PODXL: variants seen among roughly 807,000 people sequenced by gnomAD.
PODXL encodes the protein podocalyxin.
A neutral mutation model predicts 48.9 loss-of-function variants in PODXL; 20 were observed. The observed-to-expected ratio is 0.41, with a 90% CI of 0.29 to 0.59. The LOEUF is 0.59. Among genes scored for constraint, PODXL ranks in the 20% least tolerant of loss-of-function variants. The probability of loss-of-function intolerance (pLI) is 0.31; values close to 1 mark genes in which losing one functional copy is unlikely to be tolerated. For missense variants in PODXL, 606 were observed against 675.1 expected (o/e 0.90, Z 1.13); for synonymous variants, 295 against 287.4 (o/e 1.03, Z -0.27).
At chr7:131,515,682 C>G (rs188964575) in intron 1 of PODXL, among the ~76,000 whole-genome samples, 243 of 152,264 alleles carry the variant, frequency 1.6e-3, no homozygotes, top group African/African-American at 5.7e-3. Context: ...GGATTACAGA[C>G]GTGAGCCACC....
chr7:131,546,933 C>T (rs572273859), intron 1 of PODXL, among the ~76,000 whole-genome samples: 1 of 152,184 alleles, frequency 6.6e-6, no homozygotes, highest in East Asian at 1.9e-4. Context: ...CGCACTGAGG[C>T]CCCCAGCCTG....
intron 1 of PODXL, among the ~76,000 whole-genome samples, chr7:131,530,372 C>T (rs1055792314): frequency 2.0e-5 from 3 of 152,054 alleles, no homozygotes; most frequent in Non-Finnish European, 2.9e-5. Context: ...CATGCAGCCC[C>T]CTCACTCCCC....
chr7:131,548,732 C>T (rs1230521012), intron 1 of PODXL, among the ~76,000 whole-genome samples: 1 of 152,198 alleles, frequency 6.6e-6, no homozygotes, highest in East Asian at 1.9e-4. Context: ...AGCCCCAATC[C>T]TCAGCTGAAG....
chr7:131,540,380 A>C (rs1312978909), intron 1 of PODXL, among the ~76,000 whole-genome samples: 1 of 152,048 alleles, frequency 6.6e-6, no homozygotes, highest in Non-Finnish European at 1.5e-5. Context: ...GGAGAGACAG[A>C]CTAGCCCAGG....
intron 1 of PODXL, among the ~76,000 whole-genome samples, chr7:131,524,314 AC>A (rs1798137805): frequency 6.6e-6 from 1 of 150,496 alleles, no homozygotes; most frequent in Non-Finnish European, 1.5e-5. Flanking sequence ...CCTATTGAAC[AC>A]TGTACTGTGA....
intron 1 of PODXL, among the ~76,000 whole-genome samples, chr7:131,553,368 C>A (rs1356685994): frequency 6.6e-6 from 1 of 152,218 alleles, no homozygotes; most frequent in Non-Finnish European, 1.5e-5. Flanking sequence ...CAGAGTGGCA[C>A]TGGGGCTTCA....
intron 1 of PODXL, among the ~76,000 whole-genome samples, chr7:131,550,545 C>A (rs1018797176): frequency 1.4e-4 from 21 of 152,144 alleles, no homozygotes; most frequent in Non-Finnish European, 1.6e-4. Context: ...ACTCAGGAGG[C>A]TGAGGCAGGA....
At chr7:131,504,582 C>T in intron 8 of PODXL, 74 bp from the exon 9 acceptor site, 3 of 1,242,994 alleles carry the variant, frequency 2.4e-6, no homozygotes, top group South Asian at 2.5e-5. Context: ...ATGTACGTAC[C>T]CCTCCCACTC....
Position 131,506,710 on chromosome 7 carries a change from T to C in PODXL, c.1118A>G (p.Asp373Gly). 1 of 1,614,172 alleles carries C rather than the reference T, an allele frequency of 6.2e-7. No individual in the cohort carries two copies. ...GNTLCAGGAS[D>G]EKLISLICRA... ...GCATATCAGTGAGATCAATTTCTCA[T>C]CCGAAGCGCCCCCTGCCTATGGTGG... The change falls in exon 6 of 9, where the codon GAT (aspartate) becomes GGT (glycine). Residue 373 changes from aspartate (D) to glycine (G), a missense_variant. Physicochemically the swap from Asp to Gly is moderately conservative, Grantham distance 94. Coordinates refer to ENST00000378555, the MANE Select transcript of PODXL (RefSeq NM_001018111.3).
intron 7 of PODXL, 106 bp from the exon 8 acceptor site, chr7:131,506,141 C>A (rs531822430): frequency 6.5e-7 from 1 of 1,543,586 alleles, no homozygotes; most frequent in South Asian, 1.1e-5. Context: ...TCCGTGCCGC[C>A]GCCCTCTTCT....
intron 8 of PODXL, among the ~76,000 whole-genome samples, chr7:131,505,060 ATTGT>A (rs1352406114): frequency 2.0e-5 from 3 of 152,066 alleles, no homozygotes; most frequent in Admixed American, 1.3e-4. Flanking sequence ...GGACTCAGAG[ATTGT>A]TTGAATTGGT....
chr7:131,535,268 T>C (rs1463279569), intron 1 of PODXL, among the ~76,000 whole-genome samples: 1 of 152,116 alleles, frequency 6.6e-6, no homozygotes, highest in Non-Finnish European at 1.5e-5. Context: ...TAGGAGCAGG[T>C]GCATGACAGT....
intron 1 of PODXL, among the ~76,000 whole-genome samples, chr7:131,530,286 AC>A (rs1157425370): frequency 6.6e-6 from 1 of 151,918 alleles, no homozygotes; most frequent in African/African-American, 2.4e-5. Context: ...TCAGTAAGGG[AC>A]CTGGGGCTGC....
intron 1 of PODXL, among the ~76,000 whole-genome samples, chr7:131,533,558 C>G (rs1798318072): frequency 3.9e-5 from 6 of 152,186 alleles, no homozygotes; most frequent in Admixed American, 3.9e-4. Context: ...GAAGGGCAGC[C>G]TTCGCTTGGG....
At chr7:131,521,067 C>T (rs1798084813) in intron 1 of PODXL, among the ~76,000 whole-genome samples, 1 of 151,184 alleles carries the variant, frequency 6.6e-6, no homozygotes, top group African/African-American at 2.4e-5. Flanking sequence ...ACTCAGGAGG[C>T]TGAGGCAGGA....
chr7:131,503,562 C>G lies in PODXL; in HGVS notation c.*749G>C, dbSNP rs1797748102. On this transcript the variant is annotated 3_prime_UTR_variant, in exon 9 of 9. Transcript: ENST00000378555. ...AGCAGACCTGGTTCACGCACGGAGA[C>G]CTGTGTGGGTTAAGCCCCCATCTCA... 6.6e-6 allele frequency: 1 copy of G among 152,310 alleles called. No homozygotes were observed. Among genetic ancestry groups the G allele is most frequent in the Non-Finnish European group, 1.5e-5 (1 of 68,156 alleles). The allele number at this position is 152,310 out of a possible 1,614,324, so 9.4% of individuals were successfully genotyped here. A position where few individuals can be genotyped will look rare whatever the true frequency, so the allele number is the denominator to read the frequency against.
chr7:131,540,465 G>A (rs149181491), intron 1 of PODXL, among the ~76,000 whole-genome samples: 329 of 151,358 alleles, frequency 2.2e-3, no homozygotes, highest in African/African-American at 7.5e-3. Context: ...CCCTGCCCCC[G>A]CCCCCCAATA....
intron 1 of PODXL, among the ~76,000 whole-genome samples, chr7:131,555,099 T>C (rs1272361180): frequency 6.6e-6 from 1 of 152,208 alleles, no homozygotes; most frequent in Non-Finnish European, 1.5e-5. Flanking sequence ...AAAGGTTTCC[T>C]GCGGTGCAGA....
intron 1 of PODXL, among the ~76,000 whole-genome samples, chr7:131,515,464 C>T (rs540206926): frequency 2.0e-5 from 3 of 152,078 alleles, no homozygotes; most frequent in Admixed American, 6.5e-5. Context: ...TGCAATGGTG[C>T]GATCTCGGCT....
Sources: gnomAD v4.1 joint callset for allele counts (sites outside exome capture counted in the v4.1 genomes callset) on GRCh38, gnomAD v4.1.1 for gene constraint, MANE v1.5 for transcripts, NCBI Gene and HGNC (gene_info 2026-07-23, HGNC 2026-07-21) for gene names.